TCF7L2: variants seen among roughly 807,000 people sequenced by gnomAD.
TCF7L2 encodes transcription factor 7-like 2.
TCF7L2 carries 23 observed loss-of-function variants against 77.9 expected under a neutral mutation model. The ratio of observed to expected loss-of-function variants is 0.30; its 90% CI spans 0.21 to 0.42. The LOEUF (loss-of-function observed/expected upper bound fraction) is 0.42. TCF7L2 is among the 10% of genes least tolerant of loss of function. The pLI is 1.00. For synonymous variants in TCF7L2, 413 were observed against 340.2 expected, an observed-to-expected ratio of 1.21 and a Z score of -2.36; for missense variants, 654 against 793.1, an observed-to-expected ratio of 0.82 and a Z score of 2.11.
At chr10:113,118,666 T>G (rs563969821) in intron 5 of TCF7L2, among the ~76,000 whole-genome samples, 884 of 5,486 alleles carry the variant, frequency 0.16, 7 homozygotes, top group African/African-American at 0.4. Flanking sequence ...TTTTTTTTGT[T>G]TTTTTTTTTT....
chr10:112,965,755 A>G (rs943221147), intron 4 of TCF7L2, among the ~76,000 whole-genome samples: 23 of 152,118 alleles, frequency 1.5e-4, no homozygotes, highest in Admixed American at 1.4e-3. Context: ...TAAGACTTCC[A>G]GATAGCTGTT....
At chr10:113,079,745 C>T (rs1419761456) in intron 5 of TCF7L2, among the ~76,000 whole-genome samples, 1 of 152,022 alleles carries the variant, frequency 6.6e-6, no homozygotes, top group African/African-American at 2.4e-5. Context: ...GCAACCTCTG[C>T]CTCTCGGGTA....
rs2134175153 is a variant in TCF7L2, at chr10:112,950,685, G to C, written c.-72G>C. On this transcript the variant is annotated 5_prime_UTR_variant, in exon 1 of 14. Coordinates refer to ENST00000627217, the MANE Select transcript of TCF7L2 (RefSeq NM_001146274.2). ...TTTTTTGGGGGGGCAAAACTTTTTG[G>C]GGGTGATTTTTTTTGGCTTTTCTTC... The C allele has an allele frequency of 6.6e-7, 1 of 1,508,886 alleles. No homozygotes were observed. Among genetic ancestry groups the C allele is most frequent in the Non-Finnish European group, 8.8e-7 (1 of 1,130,408 alleles). 93.5% of individuals were successfully genotyped at this position (1,508,886 alleles called of 1,614,324 possible).
chr10:113,135,127 T>G (rs2067206671), intron 5 of TCF7L2, among the ~76,000 whole-genome samples: 1 of 152,206 alleles, frequency 6.6e-6, no homozygotes, highest in African/African-American at 2.4e-5. Context: ...CAGAGGGATC[T>G]TAGAAGTGCC....
At position 113,158,055 on chromosome 10, in the gene TCF7L2, C is replaced by T. The variant is rs751365426; in HGVS notation, c.1304C>T (p.Pro435Leu). Residue 435 changes from proline to leucine, a missense_variant, in exon 12 of 14, where the codon CCG becomes CTG. Around this residue, in one of 6 missense-constraint regions of TCF7L2, gnomAD observed 272 missense variants for 215.4 expected, o/e 1.26. Coordinates refer to ENST00000627217, the MANE Select transcript of TCF7L2 (RefSeq NM_001146274.2). ...AAGAAGAGGAAAAGGGACAAGCAGC[C>T]GGGAGAGACCAATGGTAAGTGACAA... 1.1e-5 allele frequency: 18 copies of T among 1,598,228 alleles called. No homozygotes were observed. The highest frequency in any genetic ancestry group is 1.5e-5 in the Non-Finnish European group (18 of 1,171,564).
chr10:113,151,828 G>A lies in TCF7L2; in HGVS notation c.1105G>A (p.Val369Ile), dbSNP rs2070796345. ...TATGAAGGAAATGAGAGCAAAGGTC[G>A]TAGCTGAGTGCACGTTGAAAGAAAG... Residue 369 changes from valine (V) to isoleucine (I), a missense_variant, in exon 10 of 14, where the codon GTA (valine) becomes ATA (isoleucine). Val to Ile is a conservative substitution (Grantham distance 29, BLOSUM62 3). Coordinates refer to ENST00000627217, the MANE Select transcript of TCF7L2 (RefSeq NM_001146274.2). The surrounding 1 kb of genome is among the most constrained non-coding windows in gnomAD (Gnocchi z 5.2). 7.4e-6 allele frequency: 12 copies of A among 1,613,544 alleles called. No individual in the cohort carries two copies. Among genetic ancestry groups the A allele is most frequent in the Non-Finnish European group, 4.2e-6 (5 of 1,179,908 alleles).
intron 5 of TCF7L2, among the ~76,000 whole-genome samples, chr10:113,082,717 G>C (rs1427674369): frequency 1.3e-5 from 2 of 151,980 alleles, no homozygotes; most frequent in Non-Finnish European, 2.9e-5. Flanking sequence ...TCCAGAAATC[G>C]GGGTGCATCG....
chr10:112,959,184 G>A (rs866853588), intron 3 of TCF7L2, among the ~76,000 whole-genome samples: 2 of 148,928 alleles, frequency 1.3e-5, no homozygotes, highest in Non-Finnish European at 3.0e-5. Flanking sequence ...TTTTTTTTGC[G>A]AGACTTTGCA....
At chr10:113,154,275 G>T (rs796281599) in intron 11 of TCF7L2, among the ~76,000 whole-genome samples, 1 of 152,166 alleles carries the variant, frequency 6.6e-6, no homozygotes, top group Non-Finnish European at 1.5e-5. Flanking sequence ...TAGCCTCCAC[G>T]TACACAACCA....
intron 5 of TCF7L2, among the ~76,000 whole-genome samples, chr10:113,097,646 G>GGGA (rs1491308139): frequency 8.2e-5 from 3 of 36,734 alleles, no homozygotes; most frequent in African/African-American, 3.2e-4. Context: ...TCTTGTCTCG[G>GGGA]AAAAAAAAAA....
At chr10:113,007,831 G>A (rs2045822994) in intron 4 of TCF7L2, among the ~76,000 whole-genome samples, 1 of 152,220 alleles carries the variant, frequency 6.6e-6, no homozygotes, top group East Asian at 1.9e-4. Context: ...AGACTCTGAA[G>A]TTATCCTTGC....
At chr10:112,996,349 G>A (rs2043479545) in intron 4 of TCF7L2, among the ~76,000 whole-genome samples, 1 of 152,198 alleles carries the variant, frequency 6.6e-6, no homozygotes, top group Non-Finnish European at 1.5e-5. Context: ...GATGCCCGAG[G>A]AGAGCCTCAA....
chr10:113,033,008 A>T (rs1177299849), intron 4 of TCF7L2, among the ~76,000 whole-genome samples: 1 of 152,148 alleles, frequency 6.6e-6, no homozygotes, highest in African/African-American at 2.4e-5. Flanking sequence ...TTGATATCCT[A>T]CCTTTTTCCC....
intron 13 of TCF7L2, chr10:113,161,413 T>G: frequency 1.5e-6 from 1 of 682,052 alleles, no homozygotes; most frequent in Non-Finnish European, 2.5e-6. Context: ...GTGTCCAAAT[T>G]AAGCACCCAT....
intron 4 of TCF7L2, among the ~76,000 whole-genome samples, chr10:112,984,397 T>A (rs2041093991): frequency 6.6e-6 from 1 of 152,148 alleles, no homozygotes. Flanking sequence ...CCTCCTTTAC[T>A]CTAATTTGTC....
At chr10:113,147,662 G>C (rs1045702307) in intron 8 of TCF7L2, among the ~76,000 whole-genome samples, 1 of 152,182 alleles carries the variant, frequency 6.6e-6, no homozygotes, top group Non-Finnish European at 1.5e-5. Context: ...CATTCTATTA[G>C]TGTAGCAGCT....
intron 4 of TCF7L2, among the ~76,000 whole-genome samples, chr10:112,977,819 C>G (rs1182169224): frequency 1.3e-5 from 2 of 152,164 alleles, no homozygotes; most frequent in African/African-American, 4.8e-5. Flanking sequence ...GTCTCAGCAG[C>G]CTGCACTAAT....
intron 5 of TCF7L2, among the ~76,000 whole-genome samples, chr10:113,077,287 A>G (rs2058791969): frequency 6.6e-6 from 1 of 152,274 alleles, no homozygotes; most frequent in Non-Finnish European, 1.5e-5. Flanking sequence ...GCAGTTACAC[A>G]GAGATAAGAT....
rs1181181866 is a variant in TCF7L2, at chr10:112,961,659, CTTG to C, written c.382-2893_382-2891del. ...AAAGGAGAAATAAAAATTTTAAGTC[CTTG>C]TTGCAGTAGCTGGAGGAAGTGAGCT... On this transcript the variant is annotated intron_variant, in intron 3 of 13. Coordinates refer to ENST00000627217, the MANE Select transcript of TCF7L2 (RefSeq NM_001146274.2). Among the ~76,000 whole-genome samples, 7 of 152,162 alleles carry C rather than the reference CTTG, an allele frequency of 4.6e-5. No homozygotes were observed. In the East Asian group the frequency reaches 1.4e-3, roughly 29 times the overall value.
Sources: gnomAD v4.1 joint callset for allele counts (sites outside exome capture counted in the v4.1 genomes callset) on GRCh38, gnomAD v4.1.1 for gene constraint, gnomAD v4.1.1 regional missense constraint, Gnocchi (gnomAD v3.1) non-coding constraint, MANE v1.5 for transcripts, NCBI Gene and HGNC (gene_info 2026-07-23, HGNC 2026-07-21) for gene names.